Variants in SHANK2 observed in about 807,000 individuals in gnomAD.
SHANK2 encodes SH3 and multiple ankyrin repeat domains 2.
SHANK2 carries 43 observed loss-of-function variants against 133.7 expected under a neutral mutation model. The observed-to-expected ratio is 0.32, with a 90% CI of 0.25 to 0.41. The LOEUF is 0.41. Ranked by LOEUF, SHANK2 falls within the 10% of genes least tolerant of loss-of-function variation. SHANK2 has a pLI of 1.00. For synonymous variants in SHANK2, 1,017 were observed against 952.8 expected (o/e 1.07, Z -1.24); for missense variants, 1,994 against 2,235.8 (o/e 0.89, Z 2.18).
intron 17 of SHANK2, among the ~76,000 whole-genome samples, chr11:70,546,014 G>T (rs1321456078): frequency 6.6e-6 from 1 of 152,098 alleles, no homozygotes; most frequent in Non-Finnish European, 1.5e-5. Flanking sequence ...GCAAATGGGG[G>T]GTGCAGAGCT....
chr11:71,055,928 A>C (rs1950912502), intron 10 of SHANK2, among the ~76,000 whole-genome samples: 1 of 151,616 alleles, frequency 6.6e-6, no homozygotes, highest in Admixed American at 6.6e-5. Context: ...CAAAGTGTAC[A>C]CTTTAAAATG....
intron 11 of SHANK2, among the ~76,000 whole-genome samples, chr11:70,821,396 T>G (rs782413432): frequency 3.8e-4 from 58 of 152,150 alleles, no homozygotes; most frequent in Non-Finnish European, 6.5e-4. Flanking sequence ...TCCCCAGGAC[T>G]GGGAGGTGTA....
intron 3 of SHANK2, among the ~76,000 whole-genome samples, chr11:71,129,128 T>C (rs1238853881): frequency 6.6e-6 from 1 of 152,170 alleles, no homozygotes; most frequent in Non-Finnish European, 1.5e-5. Flanking sequence ...CTAGTAAACG[T>C]GGATGGCATT....
intron 2 of SHANK2, among the ~76,000 whole-genome samples, chr11:71,206,885 G>C (rs1337700398): frequency 1.8e-4 from 27 of 152,104 alleles, no homozygotes; most frequent in African/African-American, 6.5e-4. Flanking sequence ...AAACCATCCT[G>C]GGCAACACAG....
intron 14 of SHANK2, among the ~76,000 whole-genome samples, chr11:70,738,330 T>C (rs1433295103): frequency 2.0e-5 from 3 of 152,358 alleles, no homozygotes; most frequent in African/African-American, 7.2e-5. Flanking sequence ...CGCTCCCCTC[T>C]GTCTTCTGTG....
chr11:70,582,037 G>T (rs1170113574), intron 17 of SHANK2, among the ~76,000 whole-genome samples: 1 of 152,234 alleles, frequency 6.6e-6, no homozygotes. Flanking sequence ...AATGGGAGGG[G>T]ACAGATCCCG....
At chr11:70,531,171 A>AC (rs1442957125) in intron 17 of SHANK2, among the ~76,000 whole-genome samples, 1 of 151,458 alleles carries the variant, frequency 6.6e-6, no homozygotes, top group Non-Finnish European at 1.5e-5. Flanking sequence ...AAAAAAAAAA[A>AC]AAAAAAAAAA....
At chr11:71,144,541 G>A (rs1481134214) in intron 3 of SHANK2, among the ~76,000 whole-genome samples, 1 of 152,140 alleles carries the variant, frequency 6.6e-6, no homozygotes, top group Non-Finnish European at 1.5e-5. Flanking sequence ...CAGGTGGACT[G>A]AGAAGAGAGA....
At chr11:71,193,978 T>C (rs1432178596) in intron 2 of SHANK2, among the ~76,000 whole-genome samples, 1 of 152,178 alleles carries the variant, frequency 6.6e-6, no homozygotes, top group African/African-American at 2.4e-5. Context: ...TACTTGGGGT[T>C]AGAGCTTCAA....
chr11:70,714,165 C>T (rs1555026756), intron 14 of SHANK2, among the ~76,000 whole-genome samples: 1 of 152,250 alleles, frequency 6.6e-6, no homozygotes. Flanking sequence ...TGAAGCTTTT[C>T]AGCCCTTCCT....
At chr11:70,834,088 A>T (rs1202408759) in intron 11 of SHANK2, among the ~76,000 whole-genome samples, 1 of 152,268 alleles carries the variant, frequency 6.6e-6, no homozygotes, top group African/African-American at 2.4e-5. Flanking sequence ...GGATGTAGGA[A>T]GCAATGCCAA....
At chr11:70,619,640 G>A (rs2060803107) in intron 17 of SHANK2, among the ~76,000 whole-genome samples, 1 of 152,210 alleles carries the variant, frequency 6.6e-6, no homozygotes, top group Non-Finnish European at 1.5e-5. Context: ...TTATTCAGCT[G>A]GCCACTGGCA....
chr11:71,222,231 C>G (rs1335618037), intron 2 of SHANK2, among the ~76,000 whole-genome samples: 1 of 150,242 alleles, frequency 6.7e-6, no homozygotes, highest in African/African-American at 2.4e-5. Flanking sequence ...ACTGTGTGGG[C>G]TGAAAGTGCC....
intron 17 of SHANK2, among the ~76,000 whole-genome samples, chr11:70,576,935 T>G (rs78525459): frequency 0.024 from 3,664 of 152,286 alleles, 94 homozygotes; most frequent in African/African-American, 0.062. Flanking sequence ...TGGTGAGTGC[T>G]GGTGGCTCTC....
chr11:70,872,287 G>A (rs2135544946), intron 11 of SHANK2: 1 of 154,734 alleles, frequency 6.5e-6, no homozygotes, highest in African/African-American at 2.4e-5. Flanking sequence ...TTGAAGGTAG[G>A]GAACTCTGTC....
intron 10 of SHANK2, among the ~76,000 whole-genome samples, chr11:70,924,487 T>G (rs1296720976): frequency 3.3e-5 from 5 of 152,130 alleles, no homozygotes; most frequent in African/African-American, 1.2e-4. Flanking sequence ...GACAAAGTCT[T>G]GCTCTGTCAC....
intron 12 of SHANK2, among the ~76,000 whole-genome samples, chr11:70,808,342 C>T (rs1948207506): frequency 6.6e-6 from 1 of 151,940 alleles, no homozygotes; most frequent in African/African-American, 2.4e-5. Flanking sequence ...CCTGGGATTA[C>T]AGGTGCCCGC....
chr11:71,076,474 G>T (rs1343071270), intron 8 of SHANK2, among the ~76,000 whole-genome samples: 2 of 146,822 alleles, frequency 1.4e-5, no homozygotes. Flanking sequence ...CTATTAATTG[G>T]ATGAGCTATA....
intron 9 of SHANK2, among the ~76,000 whole-genome samples, chr11:71,072,659 C>T (rs980563973): frequency 6.6e-5 from 10 of 152,180 alleles, no homozygotes; most frequent in Admixed American, 2.0e-4. Flanking sequence ...CAGATGTCCA[C>T]GCACATGATC....
Sources: allele counts gnomAD v4.1 joint callset (sites outside exome capture counted in the v4.1 genomes callset), GRCh38; gene constraint gnomAD v4.1.1; transcripts MANE v1.5; gene names NCBI Gene and HGNC (gene_info 2026-07-23, HGNC 2026-07-21).